MTERF4: variants seen among roughly 807,000 people sequenced by gnomAD.
MTERF4 encodes the protein mitochondrial transcription termination factor 4.
A neutral mutation model predicts 22.5 loss-of-function variants in MTERF4; 17 were observed. The observed-to-expected ratio is 0.75, with a 90% CI of 0.52 to 1.13. The LOEUF (loss-of-function observed/expected upper bound fraction) is 1.13. Ranked by LOEUF, MTERF4 falls within the 50% of genes most tolerant of loss-of-function variation. MTERF4 has a pLI of 0.00. For synonymous variants in MTERF4, 165 were observed against 175.3 expected, an observed-to-expected ratio of 0.94 and a Z score of 0.47; for missense variants, 420 against 466.8, an observed-to-expected ratio of 0.90 and a Z score of 0.92.
chr2:241,048,454 G>A, the MTERF4 span: 5 of 1,584,230 alleles, frequency 3.2e-6, no homozygotes, highest in African/African-American at 6.8e-5. Flanking sequence ...CGTCTGGGCT[G>A]CAAGGGCTGC....
the MTERF4 span, among the ~76,000 whole-genome samples, chr2:241,060,559 T>C: frequency 6.6e-6 from 1 of 152,238 alleles, no homozygotes; most frequent in Non-Finnish European, 1.5e-5. Context: ...ACAATGGTTT[T>C]GTACTTGGAA....
At chr2:241,046,513 C>T in the MTERF4 span, among the ~76,000 whole-genome samples, 1 of 152,188 alleles carries the variant, frequency 6.6e-6, no homozygotes, top group Non-Finnish European at 1.5e-5. Context: ...TTAGATGGAT[C>T]TCAGGGGAAT....
At chr2:241,084,848 A>T (rs10169241), downstream of MTERF4, among the ~76,000 whole-genome samples, 1 of 150,304 alleles carries the variant, frequency 6.7e-6, no homozygotes, top group Non-Finnish European at 1.5e-5. Context: ...GTCTGAAACT[A>T]TTTTTTTTTC....
At chr2:241,089,191 C>G, downstream of MTERF4, 1 of 1,132,706 alleles carries the variant, frequency 8.8e-7, no homozygotes, top group East Asian at 2.6e-5. Context: ...TACTGACCAT[C>G]ATTTTTTATC....
the MTERF4 span, chr2:241,048,508 G>A: frequency 6.5e-7 from 1 of 1,534,380 alleles, no homozygotes; most frequent in Non-Finnish European, 8.8e-7. Flanking sequence ...GCCTTCCTGT[G>A]GGTGCATGCA....
chr2:241,055,507 T>C, the MTERF4 span, among the ~76,000 whole-genome samples: 1 of 152,156 alleles, frequency 6.6e-6, no homozygotes, highest in Non-Finnish European at 1.5e-5. Flanking sequence ...GTGTAGACAG[T>C]CACAGAATAC....
At chr2:241,045,206 CGTA>C in the MTERF4 span, among the ~76,000 whole-genome samples, 2 of 152,150 alleles carry the variant, frequency 1.3e-5, no homozygotes, top group African/African-American at 4.8e-5. Context: ...GAAGACTCAA[CGTA>C]GTAAATATGG....
downstream of MTERF4, chr2:241,087,229 T>TA (rs1174268431): frequency 1.6e-6 from 1 of 612,502 alleles, no homozygotes; most frequent in Non-Finnish European, 2.9e-6. Flanking sequence ...ACCTTTATGT[T>TA]AGACATTTTA....
At chr2:241,053,375 T>C in the MTERF4 span, 3 of 1,497,510 alleles carry the variant, frequency 2.0e-6, no homozygotes, top group South Asian at 2.5e-5. Context: ...CACACCCTCC[T>C]CATCCTGGCC....
intron 4 of MTERF4, chr2:241,081,585 A>G (rs1383256161): frequency 3.2e-6 from 3 of 927,830 alleles, no homozygotes; most frequent in Non-Finnish European, 3.4e-6. Flanking sequence ...GCCACCCTGC[A>G]TCAGGTCATC....
chr2:241,053,140 C>T, the MTERF4 span: 1 of 1,604,496 alleles, frequency 6.2e-7, no homozygotes, highest in Non-Finnish European at 8.5e-7. Context: ...AGACAGGCTG[C>T]CGTGCCTTGC....
At chr2:241,045,367 A>G in the MTERF4 span, among the ~76,000 whole-genome samples, 10 of 152,230 alleles carry the variant, frequency 6.6e-5, no homozygotes, top group Non-Finnish European at 1.5e-5. Flanking sequence ...TGAAGAATAA[A>G]TTTTGAGGAA....
intron 4 of MTERF4, among the ~76,000 whole-genome samples, chr2:241,080,698 A>G (rs962067330): frequency 2.6e-5 from 4 of 152,282 alleles, no homozygotes; most frequent in Non-Finnish European, 5.9e-5. Flanking sequence ...ACGGAAGCCC[A>G]TGAAATATAC....
chr2:241,060,532 T>C, the MTERF4 span, among the ~76,000 whole-genome samples: 1 of 152,272 alleles, frequency 6.6e-6, no homozygotes, highest in Admixed American at 6.5e-5. Flanking sequence ...TGAGAAAATA[T>C]TCATGAGAGC....
rs914002966 is a variant in MTERF4, at chr2:241,073,061, C to T, written n.3101G>A. ...GCCCTGCAAGGGGAAGGCCGAGCCCCTCCAGAGGGTCAGCAGGAGGGTGAG... is the reference window on the plus strand; with the variant it reads ...GCCCTGCAAGGGGAAGGCCGAGCCCTTCCAGAGGGTCAGCAGGAGGGTGAG... On this transcript the variant is annotated non_coding_transcript_exon_variant, in exon 5 of 5. Transcript: ENST00000464344. The surrounding 1 kb of genome is among the most constrained non-coding windows in gnomAD (Gnocchi z 6.6). The T allele has an allele frequency of 8.8e-6, 5 of 567,230 alleles. No individual in the cohort carries two copies. The East Asian group carries it at 1.1e-4, about 13-fold the overall frequency. The allele number at this position is 567,230 out of a possible 1,614,324, so 35.1% of individuals were successfully genotyped here.
the MTERF4 span, among the ~76,000 whole-genome samples, chr2:241,047,991 T>C: frequency 1.3e-5 from 2 of 150,658 alleles, no homozygotes; most frequent in Non-Finnish European, 1.5e-5. Context: ...CTGGTGCTTC[T>C]TGTTCTGTCC....
At chr2:241,063,640 C>T in the MTERF4 span, 3 of 1,612,354 alleles carry the variant, frequency 1.9e-6, no homozygotes, top group East Asian at 2.2e-5. Flanking sequence ...CTGCAGGAAC[C>T]TCCCAGGGGC....
downstream of MTERF4, chr2:241,093,975 T>C (rs182102404): frequency 1.0e-3 from 197 of 195,464 alleles, no homozygotes; most frequent in African/African-American, 4.3e-3. Flanking sequence ...ACTGATCATC[T>C]AACCAAGTGC....
chr2:241,079,209 G>A (rs1322275651), intron 4 of MTERF4, among the ~76,000 whole-genome samples: 14 of 150,832 alleles, frequency 9.3e-5, no homozygotes, highest in African/African-American at 2.9e-4. Flanking sequence ...TCAGGAGATC[G>A]AGACCATCCT....
Sources: allele counts gnomAD v4.1 joint callset (sites outside exome capture counted in the v4.1 genomes callset), GRCh38; gene constraint gnomAD v4.1.1; non-coding constraint Gnocchi (gnomAD v3.1); transcripts MANE v1.5; gene names NCBI Gene and HGNC (gene_info 2026-07-23, HGNC 2026-07-21).